The following NRXN2 variants were observed in gnomAD, a reference collection of about 807,000 sequenced individuals.
The protein encoded by NRXN2 is neurexin-2-beta.
A neutral mutation model predicts 128.8 loss-of-function variants in NRXN2; 29 were observed. The observed-to-expected ratio is 0.23, with a 90% CI of 0.17 to 0.31. The LOEUF is 0.31. Among genes scored for constraint, NRXN2 ranks in the 10% least tolerant of loss-of-function variants. The pLI is 1.00. For synonymous variants in NRXN2, 1,098 were observed against 1,075.2 expected (o/e 1.02, Z -0.41); for missense variants, 1,881 against 2,452.6 (o/e 0.77, Z 4.92).
chr11:64,721,131 G>A (rs2135698703), intron 1 of NRXN2, among the ~76,000 whole-genome samples: 1 of 151,950 alleles, frequency 6.6e-6, no homozygotes, highest in East Asian at 1.9e-4. Context: ...GGTGTATTGT[G>A]TACGCAGGTG....
At chr11:64,657,792 TG>T (rs1264463370) in intron 11 of NRXN2, among the ~76,000 whole-genome samples, 1 of 152,154 alleles carries the variant, frequency 6.6e-6, no homozygotes, top group Non-Finnish European at 1.5e-5. Flanking sequence ...CGGATGCATT[TG>T]CACCAAGCCT....
rs562818670 is a variant in NRXN2 at position 64,651,049 on chromosome 11, A to G, written c.2918+206T>C. Among the ~76,000 whole-genome samples, 2 of 152,326 alleles carry G rather than the reference A, an allele frequency of 1.3e-5. No individual in the cohort carries two copies. The highest frequency in any genetic ancestry group is 4.1e-4 in the South Asian group (2 of 4,832). On this transcript the variant is annotated intron_variant, in intron 14 of 22. Coordinates refer to ENST00000265459, the MANE Select transcript of NRXN2 (RefSeq NM_015080.4). The surrounding 1 kb of genome is among the most constrained non-coding windows in gnomAD (Gnocchi z 5.9). ...ATATAACAGGGAACTCTGGCAAGGA[A>G]GCAGCTGGGGAGTCAGCAGTGGAAG...
At chr11:64,710,501 C>T (rs1488583101) in intron 2 of NRXN2, among the ~76,000 whole-genome samples, 1 of 152,156 alleles carries the variant, frequency 6.6e-6, no homozygotes, top group African/African-American at 2.4e-5. Context: ...TCTGGTTGAC[C>T]AAGGTGCCTC....
chr11:64,658,520 C>A (rs1373357587), intron 11 of NRXN2, among the ~76,000 whole-genome samples: 1 of 152,202 alleles, frequency 6.6e-6, no homozygotes, highest in East Asian at 1.9e-4. Context: ...AACTCTGAGG[C>A]CCTGGCCACC....
At position 64,623,200 on chromosome 11, in the gene NRXN2, G is replaced by A. The variant is rs2042621390; in HGVS notation, c.3848-122C>T. On this transcript the variant is annotated intron_variant, in intron 20 of 22. Transcript: ENST00000265459. The surrounding 1 kb of genome is among the most constrained non-coding windows in gnomAD (Gnocchi z 4.9). ...GGAATGGAGGAGAAAGCCAGTAAGG[G>A]AGGAGGGGACGGGGAGAAATGAGGA... 4 of 1,418,792 alleles carry A rather than the reference G, an allele frequency of 2.8e-6. No individual in the cohort carries two copies. The highest frequency in any genetic ancestry group is 1.4e-5 in the South Asian group (1 of 69,516). 87.9% of individuals were successfully genotyped at this position (1,418,792 alleles called of 1,614,324 possible). A position where few individuals can be genotyped will look rare whatever the true frequency, so the allele number is the denominator to read the frequency against.
chr11:64,655,096 G>A (rs1300053732), intron 11 of NRXN2, among the ~76,000 whole-genome samples: 1 of 152,228 alleles, frequency 6.6e-6, no homozygotes, highest in East Asian at 1.9e-4. Flanking sequence ...AGGAAGCAAA[G>A]GGGGTGGGCA....
rs144979861 is a variant in NRXN2 at position 64,719,523 on chromosome 11, A to G, written c.-245+3448T>C. ...AAGCAGCTCTCTGTGTCATGGAGAG[A>G]AGCATGGAGCGGGCTGGGCCCAGGA... On this transcript the variant is annotated intron_variant, in intron 1 of 22. Transcript: ENST00000265459. 4.9e-3 allele frequency among the ~76,000 whole-genome samples: 742 copies of G among 152,262 alleles called. 10 individuals are homozygous for G. The highest frequency in any genetic ancestry group is 7.7e-3 in the Non-Finnish European group (523 of 68,028).
At chr11:64,679,698 A>G (rs1287683294) in intron 6 of NRXN2, among the ~76,000 whole-genome samples, 2 of 152,104 alleles carry the variant, frequency 1.3e-5, no homozygotes, top group Non-Finnish European at 1.5e-5. Context: ...TGGGCCTTCC[A>G]CTAATTTGAC....
intron 6 of NRXN2, among the ~76,000 whole-genome samples, chr11:64,684,178 G>T (rs971566012): frequency 2.0e-5 from 3 of 152,114 alleles, no homozygotes; most frequent in African/African-American, 7.2e-5. Flanking sequence ...GCATCTTGCC[G>T]AAGTCGGTAC....
intron 4 of NRXN2, among the ~76,000 whole-genome samples, chr11:64,691,295 C>G (rs746539926): frequency 2.0e-5 from 3 of 152,224 alleles, no homozygotes; most frequent in Non-Finnish European, 4.4e-5. Context: ...CCCTACCACC[C>G]CACTCATCAG....
chr11:64,671,865 A>C lies in NRXN2; in HGVS notation c.1198-3261T>G, dbSNP rs182474092. On this transcript the variant is annotated intron_variant, in intron 7 of 22. Coordinates refer to ENST00000265459, the MANE Select transcript of NRXN2 (RefSeq NM_015080.4). The stretch of plus-strand genomic sequence containing the variant: ...CAGCAGGCGACCCAACACTCATTCC[A>C]CCACCCATTCGCCACCGATCACCAA... 3.3e-5 allele frequency among the ~76,000 whole-genome samples: 5 copies of C among 152,052 alleles called. No individual in the cohort carries two copies. The East Asian group carries it at 9.6e-4, about 29-fold the overall frequency.
At chr11:64,689,281 G>A (rs756590580) in intron 5 of NRXN2, among the ~76,000 whole-genome samples, 2 of 151,508 alleles carry the variant, frequency 1.3e-5, no homozygotes, top group Non-Finnish European at 2.9e-5. Context: ...ATGTTGCCAG[G>A]CTGGTTTTGA....
intron 2 of NRXN2, among the ~76,000 whole-genome samples, chr11:64,709,256 G>A (rs1439654663): frequency 6.6e-6 from 1 of 150,522 alleles, no homozygotes; most frequent in African/African-American, 2.4e-5. Context: ...CACAACAGAT[G>A]ATAAAGTGAT....
At chr11:64,611,786 T>C (rs2040683442) in intron 22 of NRXN2, among the ~76,000 whole-genome samples, 1 of 152,078 alleles carries the variant, frequency 6.6e-6, no homozygotes, top group South Asian at 2.1e-4. Flanking sequence ...GGTCTCCATA[T>C]CTGGGTCCCA....
At chr11:64,683,772 G>A (rs964548229) in intron 6 of NRXN2, among the ~76,000 whole-genome samples, 1 of 152,162 alleles carries the variant, frequency 6.6e-6, no homozygotes, top group Non-Finnish European at 1.5e-5. Context: ...GAGACTTCTG[G>A]TAGAACAATC....
chr11:64,663,109 C>G (rs149015316), intron 9 of NRXN2, among the ~76,000 whole-genome samples: 1 of 152,048 alleles, frequency 6.6e-6, no homozygotes, highest in East Asian at 1.9e-4. Flanking sequence ...ATGGCTCACA[C>G]GTGTAATCCC....
Position 64,713,389 on chromosome 11 carries a change from T to C in NRXN2, c.311A>G (p.Asp104Gly). 1 of 1,471,586 alleles carries C rather than the reference T, an allele frequency of 6.8e-7. No homozygotes were observed. The highest frequency in any genetic ancestry group is 9.0e-7 in the Non-Finnish European group (1 of 1,115,854). The allele number at this position is 1,471,586 out of a possible 1,614,324, so 91.2% of individuals were successfully genotyped here. Residue 104 changes from aspartate to glycine, a missense_variant, in exon 2 of 23, where the codon GAC becomes GGC. This residue lies in a region of NRXN2 where 997 missense variants were observed against 1,240.8 expected (regional missense o/e 0.80). Transcript: ENST00000265459. ...SCAEPATLQL[D>G]TPVADDRWHM... is the part of the protein sequence containing the mutation. ...CCAGCGGTCGTCGGCCACCGGCGTG[T>C]CCAGCTGCAGCGTGGCCGGCTCGGC...
At chr11:64,682,689 C>G (rs2052483496) in intron 6 of NRXN2, among the ~76,000 whole-genome samples, 1 of 152,186 alleles carries the variant, frequency 6.6e-6, no homozygotes, top group African/African-American at 2.4e-5. Context: ...AATGGGTTTG[C>G]ACACTGCTTG....
Position 64,710,967 on chromosome 11 carries a change from C to T in NRXN2, c.730+2003G>A, listed in dbSNP as rs576199213. On this transcript the variant is annotated intron_variant, in intron 2 of 22. Transcript: ENST00000265459. The stretch of plus-strand genomic sequence containing the variant: ...TGGAGAAAGGGTGAGAAGGTGTCAG[C>T]TTAACTTAATACACAGTTCCTGATG... Among the ~76,000 whole-genome samples, 4 of 152,276 alleles carry T rather than the reference C, an allele frequency of 2.6e-5. 1 individual carries two copies. Among genetic ancestry groups the T allele is most frequent in the Admixed American group, 2.6e-4 (4 of 15,292 alleles).
Sources: allele counts gnomAD v4.1 joint callset (sites outside exome capture counted in the v4.1 genomes callset), GRCh38; gene constraint gnomAD v4.1.1; regional missense constraint gnomAD v4.1.1; non-coding constraint Gnocchi (gnomAD v3.1); transcripts MANE v1.5; gene names NCBI Gene and HGNC (gene_info 2026-07-23, HGNC 2026-07-21).